Variants in TMEM131L observed in about 807,000 individuals in gnomAD.
TMEM131L encodes transmembrane 131 like, also known as transmembrane protein 131-like.
Under a neutral mutation model 192.2 loss-of-function variants are expected in TMEM131L, and 54 were observed. That is an observed-to-expected ratio of 0.28 (90% CI 0.23 to 0.35). The LOEUF (loss-of-function observed/expected upper bound fraction) is 0.35, where lower values mean the gene tolerates loss of function less well. Ranked by LOEUF, TMEM131L falls within the 10% of genes least tolerant of loss-of-function variation. TMEM131L has a pLI of 1.00. For synonymous variants in TMEM131L, 701 were observed against 704.9 expected, an observed-to-expected ratio of 0.99 and a Z score of 0.09; for missense variants, 1,888 against 1,972.9, an observed-to-expected ratio of 0.96 and a Z score of 0.82.
chr4:153,488,507 A>AT, intron 3 of TMEM131L, among the ~76,000 whole-genome samples: 1 of 152,276 alleles, frequency 6.6e-6, no homozygotes, highest in East Asian at 1.9e-4. Context: ...TGGGCCTGGG[A>AT]TAGCCCAGCC....
intron 3 of TMEM131L, among the ~76,000 whole-genome samples, chr4:153,480,049 A>C (rs1403824683): frequency 6.6e-6 from 1 of 152,244 alleles, no homozygotes; most frequent in Non-Finnish European, 1.5e-5. Flanking sequence ...TACTAAAAAT[A>C]CAAAAATAGG....
chr4:153,557,248 C>T (rs1483537864), intron 6 of TMEM131L, among the ~76,000 whole-genome samples, 166 bp downstream of exon 6: 1 of 152,202 alleles, frequency 6.6e-6, no homozygotes, highest in Non-Finnish European at 1.5e-5. Context: ...CCTTTTCTGC[C>T]TGACATGCCA....
chr4:153,545,350 C>T (rs1016089690), intron 3 of TMEM131L, among the ~76,000 whole-genome samples: 8 of 148,222 alleles, frequency 5.4e-5, no homozygotes, highest in Middle Eastern at 3.6e-3. Context: ...TGCAGTGGCG[C>T]GATCCCGACT....
chr4:153,499,237 G>A (rs1733412032), intron 3 of TMEM131L, among the ~76,000 whole-genome samples: 1 of 152,206 alleles, frequency 6.6e-6, no homozygotes, highest in African/African-American at 2.4e-5. Context: ...CCTGCGGTTA[G>A]TGGTGCCCAG....
At chr4:153,533,049 C>T (rs1736033238) in intron 3 of TMEM131L, among the ~76,000 whole-genome samples, 2 of 147,536 alleles carry the variant, frequency 1.4e-5, no homozygotes, top group East Asian at 2.0e-4. Context: ...GCAGTGTTGG[C>T]GATCTTGGCT....
chr4:153,600,947 C>T (rs1037716553), intron 21 of TMEM131L, among the ~76,000 whole-genome samples: 1 of 151,660 alleles, frequency 6.6e-6, no homozygotes, highest in African/African-American at 2.4e-5. Flanking sequence ...CCTGTCTCTA[C>T]TAAAAATACA....
At chr4:153,492,036 C>T (rs923286554) in intron 3 of TMEM131L, among the ~76,000 whole-genome samples, 7 of 152,042 alleles carry the variant, frequency 4.6e-5, no homozygotes, top group Non-Finnish European at 7.4e-5. Flanking sequence ...GGCCTTGCTC[C>T]ATCACCCGAG....
intron 26 of TMEM131L, among the ~76,000 whole-genome samples, chr4:153,617,811 CT>C (rs1733096733): frequency 6.7e-6 from 1 of 150,172 alleles, no homozygotes; most frequent in African/African-American, 2.4e-5. Context: ...TATAATTCAC[CT>C]TTTCTAAAAA....
rs1015347807 is a variant in TMEM131L at position 153,473,750 on chromosome 4, C to T, written c.196-95C>T. 4.1e-6 allele frequency: 4 copies of T among 964,534 alleles called. No individual in the cohort carries two copies. In the African/African-American group the frequency reaches 5.0e-5, roughly 12 times the overall value. The allele number at this position is 964,534 out of a possible 1,614,324, so 59.7% of individuals were successfully genotyped here. ...GAGGTTGCAGTGAGCCGAGACCCTG[C>T]CATTGTACTCCAGCCTGGGTGACAG... On this transcript the variant is annotated intron_variant, in intron 2 of 34. Transcript: ENST00000409959.
At chr4:153,524,185 G>C (rs1034087981) in intron 3 of TMEM131L, among the ~76,000 whole-genome samples, 1 of 132,346 alleles carries the variant, frequency 7.6e-6, no homozygotes, top group East Asian at 2.2e-4. Context: ...TGGGGAATTT[G>C]GCCCCTGGCT....
chr4:153,485,259 C>A (rs952065242), intron 3 of TMEM131L, among the ~76,000 whole-genome samples: 1 of 151,772 alleles, frequency 6.6e-6, no homozygotes, highest in East Asian at 1.9e-4. Context: ...TAATTCATTG[C>A]GTTGCCTTCT....
At chr4:153,584,790 A>G in intron 11 of TMEM131L, 45 bp from the exon 12 acceptor site, 2 of 1,391,734 alleles carry the variant, frequency 1.4e-6, no homozygotes, top group Non-Finnish European at 2.0e-6. Context: ...GCTTAATGAA[A>G]GAAAAGGTAC....
intron 31 of TMEM131L, chr4:153,632,507 G>A: frequency 1.8e-6 from 1 of 546,476 alleles, no homozygotes; most frequent in East Asian, 3.2e-5. Flanking sequence ...TGTCATCCAG[G>A]TCAAGAGACA....
At chr4:153,483,826 G>C (rs1420790917) in intron 3 of TMEM131L, among the ~76,000 whole-genome samples, 1 of 152,166 alleles carries the variant, frequency 6.6e-6, no homozygotes, top group African/African-American at 2.4e-5. Flanking sequence ...TCTAGCTAGA[G>C]AGTCAGGTAT....
intron 3 of TMEM131L, among the ~76,000 whole-genome samples, chr4:153,484,649 C>T (rs1732186663): frequency 1.4e-5 from 2 of 147,824 alleles, no homozygotes; most frequent in South Asian, 4.3e-4. Context: ...TTTGTATTTT[C>T]AGTAGAGACG....
In TMEM131L at chr4:153,467,301, A is replaced by G. The variant is rs1481583761; in HGVS notation, c.195+20A>G. 9.7e-6 allele frequency: 15 copies of G among 1,549,348 alleles called. No individual in the cohort carries two copies. The highest frequency in any genetic ancestry group is 5.9e-5 in the Admixed American group (3 of 50,986). ...ACTCAGGTGAGGACGACCAGGTGAC[A>G]GGGCGGCTGTGGGTGTACGAGGGAG... On this transcript the variant is annotated intron_variant, in intron 2 of 34. Coordinates refer to ENST00000409959, the MANE Select transcript of TMEM131L (RefSeq NM_001131007.2).
At chr4:153,480,861 T>G (rs895815407) in intron 3 of TMEM131L, among the ~76,000 whole-genome samples, 27 of 152,186 alleles carry the variant, frequency 1.8e-4, no homozygotes, top group African/African-American at 6.5e-4. Context: ...CTTCTGGGCC[T>G]CTCGCTGTCC....
chr4:153,587,763 G>A lies in TMEM131L; in HGVS notation c.1504G>A (p.Val502Met). ...CTAGGAAGGGAGTCTGGGTTTTGAA[G>A]TGATAGCACATTGTGGCATGCATTA... Reference protein sequence around the residue: ...PTKEGSLGFEVIAHCGMHYFM... With the variant: ...PTKEGSLGFEMIAHCGMHYFM... Residue 502 changes from valine to methionine, a missense_variant, in exon 15 of 35, where the codon GTG (valine) becomes ATG (methionine). By Grantham distance (21) the Val-to-Met change is conservative. Coordinates refer to ENST00000409959, the MANE Select transcript of TMEM131L (RefSeq NM_001131007.2). 3 of 1,613,188 alleles carry A rather than the reference G, an allele frequency of 1.9e-6. No individual in the cohort carries two copies. The highest frequency in any genetic ancestry group is 2.5e-6 in the Non-Finnish European group (3 of 1,179,154).
intron 7 of TMEM131L, among the ~76,000 whole-genome samples, chr4:153,567,528 AT>A (rs565526931): frequency 2.4e-4 from 35 of 144,930 alleles, no homozygotes; most frequent in Middle Eastern, 3.5e-3. Context: ...AGAAAGCTAG[AT>A]TTTTTTTTTC....
Sources: gnomAD v4.1 joint callset for allele counts (sites outside exome capture counted in the v4.1 genomes callset) on GRCh38, gnomAD v4.1.1 for gene constraint, MANE v1.5 for transcripts, NCBI Gene and HGNC (gene_info 2026-07-23, HGNC 2026-07-21) for gene names.